Variants in RIMS2 observed in about 807,000 individuals in gnomAD.
RIMS2 encodes the protein regulating synaptic membrane exocytosis 2.
Under a neutral mutation model 174.4 loss-of-function variants are expected in RIMS2, and 59 were observed. The ratio of observed to expected loss-of-function variants is 0.34; its 90% confidence interval spans 0.27 to 0.42. The LOEUF is 0.42. Ranked by LOEUF, RIMS2 falls within the 10% of genes least tolerant of loss-of-function variation. The pLI is 1.00. For missense variants in RIMS2, 1,620 were observed against 1,666.3 expected, an observed-to-expected ratio of 0.97 and a Z score of 0.48; for synonymous variants, 606 against 572.5, an observed-to-expected ratio of 1.06 and a Z score of -0.84.
chr8:103,626,760 G>T (rs1056824862), intron 1 of RIMS2, among the ~76,000 whole-genome samples: 1 of 152,074 alleles, frequency 6.6e-6, no homozygotes, highest in East Asian at 1.9e-4. Flanking sequence ...ATCACATATT[G>T]GTAGGACCAT....
At chr8:103,693,187 C>G (rs1453012610) in intron 1 of RIMS2, among the ~76,000 whole-genome samples, 3 of 152,258 alleles carry the variant, frequency 2.0e-5, no homozygotes, top group African/African-American at 7.2e-5. Flanking sequence ...TGCAAAGTCC[C>G]ACAATTACTA....
At chr8:104,248,716 T>C in exon 21 of RIMS2, 1 of 1,603,720 alleles carries the variant, frequency 6.2e-7, no homozygotes, top group South Asian at 1.1e-5. Flanking sequence ...TTTTCCCTGG[T>C]GTTCGCTTGG....
At chr8:103,743,218 A>G (rs763498670) in intron 2 of RIMS2, among the ~76,000 whole-genome samples, 2 of 152,186 alleles carry the variant, frequency 1.3e-5, no homozygotes, top group Non-Finnish European at 2.9e-5. Context: ...CTAATCTACA[A>G]ATGCATTCTA....
chr8:104,152,061 T>C (rs1333104861), intron 19 of RIMS2, among the ~76,000 whole-genome samples: 2 of 152,234 alleles, frequency 1.3e-5, no homozygotes, highest in East Asian at 3.8e-4. Context: ...TTTGATTGTA[T>C]TTGTATTACA....
At chr8:103,568,745 T>A (rs966967948) in intron 1 of RIMS2, 10 of 1,038,700 alleles carry the variant, frequency 9.6e-6, no homozygotes, top group Non-Finnish European at 1.5e-5. Flanking sequence ...CAGCTGTAGA[T>A]TCTTCACTGG....
intron 3 of RIMS2, among the ~76,000 whole-genome samples, chr8:103,856,239 G>C (rs1435521953): frequency 6.6e-6 from 1 of 152,120 alleles, no homozygotes; most frequent in Non-Finnish European, 1.5e-5. Flanking sequence ...CATTTGGGTG[G>C]TAAATCTTAC....
chr8:103,864,181 TTTAG>T (rs965251932), intron 3 of RIMS2, among the ~76,000 whole-genome samples: 134 of 152,280 alleles, frequency 8.8e-4, no homozygotes, highest in African/African-American at 3.1e-3. Context: ...CTCAGTTTCA[TTTAG>T]TTCATCATTA....
At chr8:103,792,244 A>G (rs576828553) in intron 3 of RIMS2, among the ~76,000 whole-genome samples, 16 of 152,310 alleles carry the variant, frequency 1.1e-4, no homozygotes, top group South Asian at 4.1e-4. Flanking sequence ...GTGCAATCAA[A>G]TTAGGACTCA....
At chr8:104,027,974 A>C (rs1204163459) in intron 19 of RIMS2, among the ~76,000 whole-genome samples, 1 of 152,128 alleles carries the variant, frequency 6.6e-6, no homozygotes, top group African/African-American at 2.4e-5. Flanking sequence ...ACTGTCACTC[A>C]GGCTGGAGTG....
chr8:104,092,312 T>G (rs1194633221), intron 19 of RIMS2, among the ~76,000 whole-genome samples: 1 of 151,866 alleles, frequency 6.6e-6, no homozygotes, highest in Non-Finnish European at 1.5e-5. Context: ...ATCATCTTTC[T>G]AAGGCTTTAT....
intron 2 of RIMS2, among the ~76,000 whole-genome samples, chr8:103,705,624 G>T (rs2137674042): frequency 6.6e-6 from 1 of 151,880 alleles, no homozygotes; most frequent in East Asian, 1.9e-4. Context: ...ATATATTTGG[G>T]TTCTATGACA....
At position 104,169,418 on chromosome 8, in the gene RIMS2, A is replaced by G. The variant is rs1355508429; in HGVS notation, c.3335-75498A>G. On this transcript the variant is annotated intron_variant, in intron 19 of 23. Transcript: ENST00000504942. ...TTCCTATTTAAACTAGGAGGGTTGC[A>G]TATTTCCAGGAATTTACCCATCTCC... Among the ~76,000 whole-genome samples the G allele has an allele frequency of 2.0e-5, 3 of 150,308 alleles. No homozygotes were observed. The East Asian group carries it at 5.8e-4, about 29-fold the overall frequency.
intron 2 of RIMS2, among the ~76,000 whole-genome samples, chr8:103,752,150 G>C (rs553782294): frequency 6.6e-6 from 1 of 152,264 alleles, no homozygotes; most frequent in South Asian, 2.1e-4. Context: ...AAGGGATCCA[G>C]TTTCAGCTTT....
At chr8:103,540,107 C>T (rs1388458508) in intron 1 of RIMS2, among the ~76,000 whole-genome samples, 1 of 152,198 alleles carries the variant, frequency 6.6e-6, no homozygotes, top group Non-Finnish European at 1.5e-5. Context: ...ACAACAGTAC[C>T]ATTTCTGCCC....
intron 1 of RIMS2, among the ~76,000 whole-genome samples, chr8:103,553,837 C>T (rs1383063409): frequency 7.3e-6 from 1 of 137,444 alleles, no homozygotes; most frequent in Admixed American, 8.2e-5. Context: ...CAGCATGGTA[C>T]TGGTACAAAA....
intron 19 of RIMS2, among the ~76,000 whole-genome samples, chr8:104,041,861 G>A (rs1161417187): frequency 6.6e-6 from 1 of 151,578 alleles, no homozygotes; most frequent in African/African-American, 2.4e-5. Context: ...CACTGTTTAT[G>A]TGTCAAGGCA....
intron 1 of RIMS2, among the ~76,000 whole-genome samples, chr8:103,659,088 T>C (rs2096565627): frequency 6.6e-6 from 1 of 152,226 alleles, no homozygotes; most frequent in Admixed American, 6.5e-5. Flanking sequence ...TCACTTGTTC[T>C]ACTTTTTCTG....
chr8:104,142,380 C>T (rs1055281800), intron 19 of RIMS2, among the ~76,000 whole-genome samples: 11 of 152,056 alleles, frequency 7.2e-5, no homozygotes, highest in Admixed American at 3.9e-4. Context: ...CCACCCGCCT[C>T]GGCCTCCCAA....
chr8:103,596,921 A>G (rs2094499586), intron 1 of RIMS2, among the ~76,000 whole-genome samples: 1 of 152,138 alleles, frequency 6.6e-6, no homozygotes, highest in Non-Finnish European at 1.5e-5. Flanking sequence ...TTAGTAAAAC[A>G]TAAAAGAAGA....
Sources: allele counts gnomAD v4.1 joint callset (sites outside exome capture counted in the v4.1 genomes callset), GRCh38; gene constraint gnomAD v4.1.1; transcripts MANE v1.5; gene names NCBI Gene and HGNC (gene_info 2026-07-23, HGNC 2026-07-21).